Variants in AP1B1 observed in about 807,000 individuals in gnomAD.
AP1B1 encodes the protein adaptor related protein complex 1 subunit beta 1.
In AP1B1, 36 loss-of-function variants were observed where a neutral mutation model predicts 104.3. The observed-to-expected ratio is 0.35, with a 90% CI of 0.26 to 0.46. AP1B1 has a LOEUF of 0.46. Among genes scored for constraint, AP1B1 ranks in the 20% least tolerant of loss-of-function variants. AP1B1 has a pLI of 1.00. For missense variants in AP1B1, 901 were observed against 1,247.9 expected, an observed-to-expected ratio of 0.72 and a Z score of 4.19; for synonymous variants, 504 against 517.5, an observed-to-expected ratio of 0.97 and a Z score of 0.35.
chr22:29,364,945 G>A (rs1219205105), intron 2 of AP1B1, among the ~76,000 whole-genome samples: 1 of 151,964 alleles, frequency 6.6e-6, no homozygotes, highest in Non-Finnish European at 1.5e-5. Context: ...CTGACCTCAG[G>A]TGATCCACCC....
chr22:29,379,119 C>T (rs1419349870), intron 1 of AP1B1, among the ~76,000 whole-genome samples: 2 of 152,240 alleles, frequency 1.3e-5, no homozygotes, highest in African/African-American at 2.4e-5. Flanking sequence ...TTTAGGAGAC[C>T]GAGGTGGGCA....
At chr22:29,339,294 G>A (rs1372093921) in intron 15 of AP1B1, among the ~76,000 whole-genome samples, 161 bp from the exon 16 acceptor site, 1 of 152,180 alleles carries the variant, frequency 6.6e-6, no homozygotes, top group Non-Finnish European at 1.5e-5. Context: ...AGAGAGAGGT[G>A]GGTGGAGAAG....
chr22:29,337,465 C>G lies in AP1B1; in HGVS notation c.2163+1525G>C, dbSNP rs116999225. Among the ~76,000 whole-genome samples the G allele has an allele frequency of 0.01, 1,563 of 152,264 alleles. 100 individuals are homozygous for G. In the East Asian group the frequency reaches 0.17, roughly 17 times the overall value. ...GCAGCTGGCATATGGTGGGGAAAGCCAGCTCAGGGGGTGGGGAGGTGCTGG... is the reference window on the plus strand; with the variant it reads ...GCAGCTGGCATATGGTGGGGAAAGCGAGCTCAGGGGGTGGGGAGGTGCTGG... On this transcript the variant is annotated intron_variant, in intron 16 of 22. Coordinates refer to ENST00000357586, the MANE Select transcript of AP1B1 (RefSeq NM_001127.4).
chr22:29,334,988 C>T (rs746195079), intron 16 of AP1B1, among the ~76,000 whole-genome samples: 1 of 152,194 alleles, frequency 6.6e-6, no homozygotes, highest in Non-Finnish European at 1.5e-5. Context: ...AGTCTCAGCT[C>T]AAGAACCACC....
At chr22:29,368,597 T>C (rs983684092) in intron 1 of AP1B1, among the ~76,000 whole-genome samples, 4 of 152,180 alleles carry the variant, frequency 2.6e-5, no homozygotes, top group Non-Finnish European at 5.9e-5. Flanking sequence ...GACTCAGCGA[T>C]GTTACATGAC....
intron 19 of AP1B1, 70 bp downstream of exon 19, chr22:29,331,379 C>T (rs1475121547): frequency 1.0e-5 from 15 of 1,470,526 alleles, no homozygotes; most frequent in East Asian, 4.5e-5. Context: ...TTGGTAAAGG[C>T]ACCACCTTGG....
intron 4 of AP1B1, among the ~76,000 whole-genome samples, chr22:29,359,244 TAGG>T (rs1256481046): frequency 6.6e-6 from 1 of 152,162 alleles, no homozygotes; most frequent in Non-Finnish European, 1.5e-5. Context: ...TCAGAAAGGC[TAGG>T]AGCTCATCTG....
intron 1 of AP1B1, among the ~76,000 whole-genome samples, chr22:29,376,475 C>A (rs1031188041): frequency 6.6e-6 from 1 of 152,188 alleles, no homozygotes; most frequent in African/African-American, 2.4e-5. Context: ...GCATCTCTAT[C>A]TCTGAACTCA....
At chr22:29,333,806 A>G (rs2061596509) in intron 17 of AP1B1, among the ~76,000 whole-genome samples, 2 of 152,170 alleles carry the variant, frequency 1.3e-5, no homozygotes, top group Admixed American at 6.5e-5. Context: ...ACTCACACCT[A>G]TAATCCCAGC....
rs771805347 is a variant in AP1B1 at position 29,360,239 on chromosome 22, C to T, written c.144-280G>A. On this transcript the variant is annotated intron_variant, in intron 3 of 22. Coordinates refer to ENST00000357586, the MANE Select transcript of AP1B1 (RefSeq NM_001127.4). ...GAGCCCATCAAACCCACCACTGCCT[C>T]TTGCTAGCTATATGACATTGGAGAA... is the stretch of plus-strand genomic sequence containing the variant. Among the ~76,000 whole-genome samples the T allele has an allele frequency of 4.3e-4, 66 of 152,228 alleles. 2 individuals carry two copies. The highest frequency in any genetic ancestry group is 8.8e-5 in the Non-Finnish European group (6 of 68,038).
Position 29,378,401 on chromosome 22 carries a change from C to T in AP1B1, c.-28+10023G>A, listed in dbSNP as rs2062380621. ...GCGAAACCCCATCTCTACAAAAATA[C>T]AATTAGCCAGGTGTGGTGGCATACA... On this transcript the variant is annotated intron_variant, in intron 1 of 22. Coordinates refer to ENST00000357586, the MANE Select transcript of AP1B1 (RefSeq NM_001127.4). Among the ~76,000 whole-genome samples the T allele has an allele frequency of 2.0e-5, 3 of 151,288 alleles. No individual in the cohort carries two copies. The South Asian group carries it at 6.3e-4, about 32-fold the overall frequency.
chr22:29,385,678 A>C (rs1414279824), intron 1 of AP1B1, among the ~76,000 whole-genome samples: 1 of 152,362 alleles, frequency 6.6e-6, no homozygotes, highest in East Asian at 1.9e-4. Flanking sequence ...AAGAACAGAA[A>C]AATCACTTCT....
At position 29,330,718 on chromosome 22, in the gene AP1B1, T is replaced by C; in HGVS notation, c.2525-9A>G. On this transcript the variant is annotated splice_polypyrimidine_tract_variant and intron_variant, in intron 19 of 22. Transcript: ENST00000357586. Reference sequence around the variant, plus strand: ...CAGGAACATCTGCCGGTCTGCGGGGTGAGCAGGGTGGGGATGAGAGGCGAG... The same window carrying C: ...CAGGAACATCTGCCGGTCTGCGGGGCGAGCAGGGTGGGGATGAGAGGCGAG... 1 of 1,609,290 alleles carries C rather than the reference T, an allele frequency of 6.2e-7. No individual in the cohort carries two copies. Among genetic ancestry groups the C allele is most frequent in the Admixed American group, 1.7e-5 (1 of 59,732 alleles).
intron 2 of AP1B1, among the ~76,000 whole-genome samples, chr22:29,366,833 GACAC>G (rs200885223): frequency 0.28 from 37,134 of 131,092 alleles, 5,845 homozygotes; most frequent in Non-Finnish European, 0.36. Context: ...CTTGGATAAG[GACAC>G]ACACACACAC....
At chr22:29,381,343 A>G (rs897839613) in intron 1 of AP1B1, among the ~76,000 whole-genome samples, 1 of 152,130 alleles carries the variant, frequency 6.6e-6, no homozygotes, top group African/African-American at 2.4e-5. Context: ...CCCCCTATAA[A>G]TTCCCTAATG....
chr22:29,334,410 C>A lies in AP1B1; in HGVS notation c.2164G>T (p.Val722Phe). Residue 722 changes from valine (V) to phenylalanine (F), a missense_variant and splice_region_variant, in exon 17 of 23, where the codon GTC becomes TTC. Coordinates refer to ENST00000357586, the MANE Select transcript of AP1B1 (RefSeq NM_001127.4). ...LSGSYVAPKA[V>F]WLPAMKAKGL... ...TTAGCCTTCATGGCTGGGAGCCAGA[C>A]CTGCAGGGAAGAGGGTGCGGAGGGG... 2 of 1,601,350 alleles carry A rather than the reference C, an allele frequency of 1.2e-6. No individual in the cohort carries two copies. The highest frequency in any genetic ancestry group is 1.7e-6 in the Non-Finnish European group (2 of 1,176,004).
intron 1 of AP1B1, among the ~76,000 whole-genome samples, chr22:29,373,446 A>G (rs1048527550): frequency 6.6e-6 from 1 of 152,154 alleles, no homozygotes; most frequent in Non-Finnish European, 1.5e-5. Flanking sequence ...AGGCAAACCT[A>G]AGCTACGGTG....
At chr22:29,348,323 C>G (rs1439142200) in intron 11 of AP1B1, among the ~76,000 whole-genome samples, 4 of 152,220 alleles carry the variant, frequency 2.6e-5, no homozygotes, top group African/African-American at 7.2e-5. Context: ...AACAAGCATC[C>G]TTTCCACCAC....
intron 16 of AP1B1, among the ~76,000 whole-genome samples, chr22:29,335,409 C>T (rs1383680064): frequency 6.6e-6 from 1 of 152,076 alleles, no homozygotes; most frequent in Non-Finnish European, 1.5e-5. Context: ...GGCACCAGCC[C>T]CCCACCCCAC....
Sources: allele counts gnomAD v4.1 joint callset (sites outside exome capture counted in the v4.1 genomes callset), GRCh38; gene constraint gnomAD v4.1.1; transcripts MANE v1.5; gene names NCBI Gene and HGNC (gene_info 2026-07-23, HGNC 2026-07-21).